The following ASTN2 variants were observed in gnomAD, a reference collection of about 807,000 sequenced individuals.
The protein encoded by ASTN2 is astrotactin-2.
A neutral mutation model predicts 139.8 loss-of-function variants in ASTN2; 54 were observed. The observed-to-expected ratio is 0.39, with a 90% CI of 0.31 to 0.48. The LOEUF is 0.48. ASTN2 is among the 20% of genes least tolerant of loss of function. ASTN2 has a pLI of 0.95. For synonymous variants in ASTN2, 756 were observed against 719.5 expected, an observed-to-expected ratio of 1.05 and a Z score of -0.81; for missense variants, 1,565 against 1,725.1, an observed-to-expected ratio of 0.91 and a Z score of 1.64.
chr9:116,875,223 A>T (rs1012768869), intron 10 of ASTN2, among the ~76,000 whole-genome samples: 1 of 152,222 alleles, frequency 6.6e-6, no homozygotes, highest in Non-Finnish European at 1.5e-5. Flanking sequence ...TCTTAAAGGA[A>T]ATTAGAAGTG....
intron 4 of ASTN2, among the ~76,000 whole-genome samples, chr9:117,118,301 C>G (rs138350506): frequency 2.0e-5 from 3 of 152,144 alleles, no homozygotes; most frequent in African/African-American, 7.2e-5. Context: ...TTGCCCCCAT[C>G]CTAGATCTCC....
rs967501305 is a variant in ASTN2, at chr9:117,095,960, G to C, written c.1276+84C>G. On this transcript the variant is annotated intron_variant, in intron 5 of 22. Transcript: ENST00000313400. ...TGGGGACCAGGTTAGAGAAGATTTA[G>C]GATTTGCTAGTGAACACAAAATCTG... 5.4e-6 allele frequency: 7 copies of C among 1,294,374 alleles called. No individual in the cohort carries two copies. In the Admixed American group the frequency reaches 8.7e-5, roughly 16 times the overall value. The allele number at this position is 1,294,374 out of a possible 1,614,324, so 80.2% of individuals were successfully genotyped here. A position where few individuals can be genotyped will look rare whatever the true frequency, so the allele number is the denominator to read the frequency against.
intron 3 of ASTN2, among the ~76,000 whole-genome samples, chr9:117,182,774 C>T (rs1025443478): frequency 3.3e-5 from 5 of 152,188 alleles, no homozygotes; most frequent in Admixed American, 2.0e-4. Flanking sequence ...TGCAGTGTCT[C>T]GGTGCCCCCA....
chr9:117,111,790 T>A (rs1188359950), intron 4 of ASTN2, among the ~76,000 whole-genome samples: 7 of 152,064 alleles, frequency 4.6e-5, no homozygotes, highest in Non-Finnish European at 1.0e-4. Flanking sequence ...TAGACACCCT[T>A]GCTTTAGCCA....
intron 5 of ASTN2, among the ~76,000 whole-genome samples, chr9:117,062,945 T>C (rs1839335408): frequency 6.6e-6 from 1 of 152,182 alleles, no homozygotes; most frequent in African/African-American, 2.4e-5. Context: ...GGCTCCAGAC[T>C]ACCACTTTTA....
intron 10 of ASTN2, among the ~76,000 whole-genome samples, chr9:116,961,143 C>T (rs919792938): frequency 3.9e-5 from 6 of 152,072 alleles, no homozygotes; most frequent in Admixed American, 1.3e-4. Context: ...GCACCCTTCC[C>T]CCAAAACCAT....
At chr9:117,405,095 C>T (rs1000806426) in intron 1 of ASTN2, among the ~76,000 whole-genome samples, 8 of 152,186 alleles carry the variant, frequency 5.3e-5, no homozygotes, top group African/African-American at 1.7e-4. Flanking sequence ...CAGCACAGAA[C>T]AAGGTGCTCA....
intron 19 of ASTN2, among the ~76,000 whole-genome samples, chr9:116,492,058 C>T (rs1246944435): frequency 1.3e-5 from 2 of 151,302 alleles, no homozygotes; most frequent in Non-Finnish European, 2.9e-5. Flanking sequence ...AAATGTGTAT[C>T]AACTACTACT....
intron 16 of ASTN2, among the ~76,000 whole-genome samples, chr9:116,684,801 A>C (rs968800735): frequency 6.6e-6 from 1 of 152,204 alleles, no homozygotes; most frequent in African/African-American, 2.4e-5. Flanking sequence ...CAAAACCCAA[A>C]GTGATGGACT....
intron 19 of ASTN2, among the ~76,000 whole-genome samples, chr9:116,537,859 A>ATC (rs1405894007): frequency 1.3e-5 from 2 of 152,182 alleles, no homozygotes. Flanking sequence ...GAAAGCAGGG[A>ATC]TTAGGAGAGT....
At chr9:116,830,691 T>C (rs918789226) in intron 11 of ASTN2, among the ~76,000 whole-genome samples, 7 of 148,212 alleles carry the variant, frequency 4.7e-5, no homozygotes, top group Non-Finnish European at 8.9e-5. Flanking sequence ...ACTCAGGAGG[T>C]TGAGGTGGGA....
At chr9:116,650,071 C>T (rs1041714985) in intron 17 of ASTN2, among the ~76,000 whole-genome samples, 1 of 152,126 alleles carries the variant, frequency 6.6e-6, no homozygotes, top group Non-Finnish European at 1.5e-5. Context: ...CAGCACTTAG[C>T]CAAGAAGTAT....
At chr9:117,300,907 C>T (rs902481158) in intron 1 of ASTN2, among the ~76,000 whole-genome samples, 16 of 152,204 alleles carry the variant, frequency 1.1e-4, no homozygotes, top group South Asian at 2.1e-4. Flanking sequence ...TGTCAGCGCT[C>T]ATCTCTGCCT....
In ASTN2 at chr9:116,565,876, T is replaced by C. The variant is rs569393465; in HGVS notation, c.3355+52448A>G. ...ATTATGACCTGAAGTTAGAAAACTA[T>C]GGTGTAGAAGATCTAGAGAGAGACC... is the stretch of plus-strand genomic sequence containing the variant. On this transcript the variant is annotated intron_variant, in intron 19 of 22. Transcript: ENST00000313400. 3.3e-5 allele frequency among the ~76,000 whole-genome samples: 5 copies of C among 152,330 alleles called. No individual in the cohort carries two copies. The South Asian group carries it at 1.0e-3, about 32-fold the overall frequency.
chr9:116,726,348 T>C (rs1828623288), intron 15 of ASTN2, among the ~76,000 whole-genome samples: 1 of 152,164 alleles, frequency 6.6e-6, no homozygotes, highest in Non-Finnish European at 1.5e-5. Flanking sequence ...CATATATAAT[T>C]TGACAACAAC....
intron 5 of ASTN2, among the ~76,000 whole-genome samples, chr9:117,082,478 A>G (rs1248089785): frequency 6.6e-6 from 1 of 152,138 alleles, no homozygotes; most frequent in Non-Finnish European, 1.5e-5. Flanking sequence ...ACTCTCTTCC[A>G]GTTCTTTCTC....
At chr9:116,852,451 ATC>A (rs1832631013) in intron 11 of ASTN2, among the ~76,000 whole-genome samples, 1 of 152,182 alleles carries the variant, frequency 6.6e-6, no homozygotes, top group South Asian at 2.1e-4. Context: ...TAACTAGCCC[ATC>A]TCTCTCTAGG....
chr9:117,236,246 G>A (rs904144949), intron 2 of ASTN2, among the ~76,000 whole-genome samples: 5 of 152,190 alleles, frequency 3.3e-5, no homozygotes, highest in South Asian at 2.1e-4. Flanking sequence ...GGACTAAAAT[G>A]TTCTTGAATA....
chr9:116,654,234 G>C (rs1297434032), intron 16 of ASTN2, among the ~76,000 whole-genome samples: 1 of 152,196 alleles, frequency 6.6e-6, no homozygotes, highest in Non-Finnish European at 1.5e-5. Flanking sequence ...TTGGAACACA[G>C]CCACCCCCAT....
Sources: gnomAD v4.1 joint callset for allele counts (sites outside exome capture counted in the v4.1 genomes callset) on GRCh38, gnomAD v4.1.1 for gene constraint, MANE v1.5 for transcripts, NCBI Gene and HGNC (gene_info 2026-07-23, HGNC 2026-07-21) for gene names.